H3C10: variants seen among roughly 807,000 people sequenced by gnomAD.
H3C10 encodes H3 clustered histone 10.
A neutral mutation model predicts 6.8 loss-of-function variants in H3C10; 8 were observed. That is an observed-to-expected ratio of 1.17 (90% confidence interval 0.69 to 2.12). H3C10 has a LOEUF of 2.12. Ranked by LOEUF, H3C10 falls within the 30% of genes most tolerant of loss-of-function variation. The pLI, the probability that H3C10 is intolerant of heterozygous loss-of-function variation, is 0.00. For synonymous variants in H3C10, 122 were observed against 81.3 expected (o/e 1.50, Z -2.69); for missense variants, 163 against 195.3 (o/e 0.83, Z 0.98).
Position 27,810,319 on chromosome 6 carries a change from C to T in H3C10, c.246C>T (p.Asp82=), listed in dbSNP as rs2021835. 71,151 of 1,614,184 alleles carry T rather than the reference C, an allele frequency of 0.044. 1,811 individuals are homozygous for T. The highest frequency in any genetic ancestry group is 0.076 in the African/African-American group (5,735 of 75,038). ...VREIAQDFKT[D]LRFQSSAVMA... is the part of the protein sequence containing the mutation. ...AGATCGCGCAGGACTTCAAGACCGA[C>T]TTGCGCTTCCAGAGCTCCGCGGTGA... The change falls in exon 1 of 1, where the codon GAC becomes GAT. Residue 82 remains aspartate (D), a synonymous_variant. Coordinates refer to ENST00000685041, the MANE Select transcript of H3C10 (RefSeq NM_003536.3).
chr6:27,810,089 C>CA lies in H3C10; in HGVS notation c.17dup (p.Thr7AspfsTer68). The CA allele has an allele frequency of 6.2e-7, 1 of 1,614,070 alleles. No homozygotes were observed. On this transcript the variant is annotated frameshift_variant, in exon 1 of 1. Transcript: ENST00000685041. LOFTEE classifies it high-confidence loss of function. ...CTCTGAAGGCATGGCGCGTACGAAG[C>CA]AGACTGCTCGCAAGTCCACCGGCGG... is the stretch of plus-strand genomic sequence containing the variant.
Position 27,810,333 on chromosome 6 carries a change from G to A in H3C10, c.260G>A (p.Ser87Asn). ...TTCAAGACCGACTTGCGCTTCCAGA[G>A]CTCCGCGGTGATGGCGCTGCAAGAG... ...QDFKTDLRFQ[S>N]SAVMALQEAC... The change falls in exon 1 of 1, where the codon AGC becomes AAC. Residue 87 changes from serine to asparagine, a missense_variant. Transcript: ENST00000685041. The A allele has an allele frequency of 6.2e-7, 1 of 1,614,240 alleles. No homozygotes were observed. Among genetic ancestry groups the A allele is most frequent in the Non-Finnish European group, 8.5e-7 (1 of 1,180,044 alleles).
chr6:27,810,105 C>T lies in H3C10; in HGVS notation c.32C>T (p.Ser11Phe). Residue 11 changes from serine (S) to phenylalanine (F), a missense_variant, in exon 1 of 1, where the codon TCC (serine) becomes TTC (phenylalanine). Ser to Phe is a radical substitution (Grantham distance 155). Transcript: ENST00000685041. ...CGTACGAAGCAGACTGCTCGCAAGT[C>T]CACCGGCGGCAAGGCTCCGCGCAAG... MARTKQTARK[S>F]TGGKAPRKQL... 1 of 1,614,098 alleles carries T rather than the reference C, an allele frequency of 6.2e-7. No homozygotes were observed. Among genetic ancestry groups the T allele is most frequent in the Non-Finnish European group, 8.5e-7 (1 of 1,179,986 alleles).
rs1760534808 is a variant in H3C10, at chr6:27,810,269, C to T, written c.196C>T (p.Leu66=). 1 of 1,614,232 alleles carries T rather than the reference C, an allele frequency of 6.2e-7. No homozygotes were observed. The highest frequency in any genetic ancestry group is 8.5e-7 in the Non-Finnish European group (1 of 1,180,036). The change falls in exon 1 of 1, where the codon CTG becomes TTG. Residue 66 remains leucine, a synonymous_variant. Transcript: ENST00000685041. ...GTCCACCGAGCTGCTGATCAGAAAG[C>T]TGCCTTTTCAGCGTCTGGTGCGTGA... ...QKSTELLIRK[L]PFQRLVREIA... is the part of the protein sequence containing the mutation.
chr6:27,810,534 C>G lies in H3C10; in HGVS notation c.*50C>G. ...ACCCAAAGGCTCTTTTCAGAGCCACCCACATGCGCGCTGAAAAGATCTGTT... is the reference window on the plus strand; with the variant it reads ...ACCCAAAGGCTCTTTTCAGAGCCACGCACATGCGCGCTGAAAAGATCTGTT... On this transcript the variant is annotated 3_prime_UTR_variant, in exon 1 of 1. Transcript: ENST00000685041. The G allele has an allele frequency of 6.5e-7, 1 of 1,543,852 alleles. No individual in the cohort carries two copies. The highest frequency in any genetic ancestry group is 8.8e-7 in the Non-Finnish European group (1 of 1,136,450).
rs1391083152 is a variant in H3C10, at chr6:27,810,498, A to G, written c.*14A>G. On this transcript the variant is annotated 3_prime_UTR_variant, in exon 1 of 1. Transcript: ENST00000685041. Reference sequence around the variant, plus strand: ...GAGAGGGCTTGAGTCTCAAGGACTCACTGATTACATACCCAAAGGCTCTTT... The same window carrying G: ...GAGAGGGCTTGAGTCTCAAGGACTCGCTGATTACATACCCAAAGGCTCTTT... The G allele has an allele frequency of 1.2e-6, 2 of 1,610,948 alleles. No homozygotes were observed. The highest frequency in any genetic ancestry group is 1.3e-5 in the African/African-American group (1 of 74,936).
At position 27,810,181 on chromosome 6, in the gene H3C10, C is replaced by A. The variant is rs757660879; in HGVS notation, c.108C>A (p.Val36=). 9 of 1,614,060 alleles carry A rather than the reference C, an allele frequency of 5.6e-6. No homozygotes were observed. The East Asian group carries it at 6.7e-5, about 12-fold the overall frequency. The change falls in exon 1 of 1, where the codon GTC becomes GTA. Residue 36 remains valine (V), a synonymous_variant. Coordinates refer to ENST00000685041, the MANE Select transcript of H3C10 (RefSeq NM_003536.3). ...AGAGCGCTCCGGCCACCGGCGGTGT[C>A]AAGAAGCCCCATCGCTATCGGCCTG... ...ARKSAPATGG[V]KKPHRYRPGT...
chr6:27,810,396 C>G lies in H3C10; in HGVS notation c.323C>G (p.Thr108Ser). ...EAYLVGLFED[T>S]NLCAIHAKRV... ...TACCTGGTGGGGCTCTTTGAGGACA[C>G]CAACCTGTGCGCCATCCACGCCAAG... Residue 108 changes from threonine (T) to serine (S), a missense_variant, in exon 1 of 1, where the codon ACC (threonine) becomes AGC (serine). Physicochemically the swap from Thr to Ser is moderately conservative, Grantham distance 58 (BLOSUM62 1). Transcript: ENST00000685041. 3 of 1,614,206 alleles carry G rather than the reference C, an allele frequency of 1.9e-6. No individual in the cohort carries two copies. Among genetic ancestry groups the G allele is most frequent in the African/African-American group, 2.7e-5 (2 of 75,050 alleles).
At position 27,810,296 on chromosome 6, in the gene H3C10, A is replaced by T. The variant is rs1233188088; in HGVS notation, c.223A>T (p.Ile75Phe). The T allele has an allele frequency of 1.2e-6, 2 of 1,614,200 alleles. No individual in the cohort carries two copies. The highest frequency in any genetic ancestry group is 3.3e-5 in the Admixed American group (2 of 60,030). The stretch of plus-strand genomic sequence containing the variant: ...GCCTTTTCAGCGTCTGGTGCGTGAG[A>T]TCGCGCAGGACTTCAAGACCGACTT... The part of the protein sequence containing the change: ...KLPFQRLVRE[I>F]AQDFKTDLRF... Residue 75 changes from isoleucine (I) to phenylalanine (F), a missense_variant, in exon 1 of 1, where the codon ATC (isoleucine) becomes TTC (phenylalanine). Transcript: ENST00000685041.
At position 27,810,167 on chromosome 6, in the gene H3C10, G is replaced by C. The variant is rs1279781729; in HGVS notation, c.94G>C (p.Ala32Pro). 1.2e-6 allele frequency: 2 copies of C among 1,614,140 alleles called. No homozygotes were observed. The highest frequency in any genetic ancestry group is 1.7e-6 in the Non-Finnish European group (2 of 1,180,022). Residue 32 changes from alanine (A) to proline (P), a missense_variant, in exon 1 of 1, where the codon GCC becomes CCC. Transcript: ENST00000685041. ...ATKAARKSAP[A>P]TGGVKKPHRY... ...CAAGGCGGCTCGGAAGAGCGCTCCG[G>C]CCACCGGCGGTGTCAAGAAGCCCCA...
chr6:27,810,481 T>C lies in H3C10; in HGVS notation c.408T>C (p.Ala136=), dbSNP rs753671767. The change falls in exon 1 of 1, where the codon GCT becomes GCC. Residue 136 remains alanine, a synonymous_variant. Coordinates refer to ENST00000685041, the MANE Select transcript of H3C10 (RefSeq NM_003536.3). ...CACGTCGTATCCGCGGCGAGAGGGC[T>C]TGAGTCTCAAGGACTCACTGATTAC... The part of the protein sequence containing the change: ...QLARRIRGER[A] 1.2e-6 allele frequency: 2 copies of C among 1,613,724 alleles called. No homozygotes were observed. Among genetic ancestry groups the C allele is most frequent in the Non-Finnish European group, 1.7e-6 (2 of 1,179,824 alleles).
Position 27,810,174 on chromosome 6 carries a change from G to A in H3C10, c.101G>A (p.Gly34Asp), listed in dbSNP as rs1760532629. 3 of 1,614,110 alleles carry A rather than the reference G, an allele frequency of 1.9e-6. No homozygotes were observed. The highest frequency in any genetic ancestry group is 2.5e-6 in the Non-Finnish European group (3 of 1,180,024). Residue 34 changes from glycine (G) to aspartate (D), a missense_variant, in exon 1 of 1, where the codon GGC becomes GAC. By Grantham distance (94) the Gly-to-Asp change is moderately conservative. Coordinates refer to ENST00000685041, the MANE Select transcript of H3C10 (RefSeq NM_003536.3). ...GCTCGGAAGAGCGCTCCGGCCACCG[G>A]CGGTGTCAAGAAGCCCCATCGCTAT... ...KAARKSAPAT[G>D]GVKKPHRYRP...
At position 27,810,316 on chromosome 6, in the gene H3C10, C is replaced by G; in HGVS notation, c.243C>G (p.Thr81=). The change falls in exon 1 of 1, where the codon ACC becomes ACG. Residue 81 remains threonine (T), a synonymous_variant. Coordinates refer to ENST00000685041, the MANE Select transcript of H3C10 (RefSeq NM_003536.3). ...GTGAGATCGCGCAGGACTTCAAGAC[C>G]GACTTGCGCTTCCAGAGCTCCGCGG... ...LVREIAQDFK[T]DLRFQSSAVM... 6.2e-7 allele frequency: 1 copy of G among 1,614,204 alleles called. No individual in the cohort carries two copies. The highest frequency in any genetic ancestry group is 8.5e-7 in the Non-Finnish European group (1 of 1,180,036).
At position 27,810,187 on chromosome 6, in the gene H3C10, G is replaced by A; in HGVS notation, c.114G>A (p.Lys38=). 1 of 1,614,158 alleles carries A rather than the reference G, an allele frequency of 6.2e-7. No homozygotes were observed. The highest frequency in any genetic ancestry group is 8.5e-7 in the Non-Finnish European group (1 of 1,180,024). ...KSAPATGGVK[K]PHRYRPGTVA... is the part of the protein sequence containing the mutation. ...CTCCGGCCACCGGCGGTGTCAAGAA[G>A]CCCCATCGCTATCGGCCTGGTACAG... The change falls in exon 1 of 1, where the codon AAG becomes AAA. Residue 38 remains lysine, a synonymous_variant. Transcript: ENST00000685041.
Position 27,810,473 on chromosome 6 carries a change from G to T in H3C10, c.400G>T (p.Glu134Ter). 6.2e-7 allele frequency: 1 copy of T among 1,613,894 alleles called. No homozygotes were observed. Among genetic ancestry groups the T allele is most frequent in the Non-Finnish European group, 8.5e-7 (1 of 1,179,858 alleles). The change falls in exon 1 of 1, where the codon GAG (glutamate) becomes TAG (stop). Residue 134 changes from glutamate (E) to a stop codon, truncating the protein, a stop_gained. Transcript: ENST00000685041. LOFTEE classifies it high-confidence loss of function. ...CCAGCTCGCACGTCGTATCCGCGGC[G>T]AGAGGGCTTGAGTCTCAAGGACTCA... is the stretch of plus-strand genomic sequence containing the variant. The part of the protein sequence containing the change: ...DIQLARRIRG[E>*]RA
chr6:27,810,070 A>G lies in H3C10; in HGVS notation c.-4A>G. 6.2e-7 allele frequency: 1 copy of G among 1,613,744 alleles called. No homozygotes were observed. Among genetic ancestry groups the G allele is most frequent in the Non-Finnish European group, 8.5e-7 (1 of 1,179,846 alleles). ...TCTCCTGAAGTGAATCTAGCTCTGA[A>G]GGCATGGCGCGTACGAAGCAGACTG... On this transcript the variant is annotated 5_prime_UTR_variant, in exon 1 of 1. Coordinates refer to ENST00000685041, the MANE Select transcript of H3C10 (RefSeq NM_003536.3).
exon 1 of H3C10, chr6:27,810,528 AGCCACCCACATGCGC>A: frequency 6.4e-7 from 1 of 1,571,986 alleles, no homozygotes; most frequent in Non-Finnish European, 8.7e-7. Context: ...CTCTTTTCAG[AGCCACCCACATGCGC>A]GCTGAAAAGA....
rs766560705 is a variant in H3C10 at position 27,810,072 on chromosome 6, G to A, written c.-2G>A. 1.2e-6 allele frequency: 2 copies of A among 1,613,884 alleles called. No homozygotes were observed. Among genetic ancestry groups the A allele is most frequent in the South Asian group, 2.2e-5 (2 of 91,050 alleles). On this transcript the variant is annotated 5_prime_UTR_variant, in exon 1 of 1. Coordinates refer to ENST00000685041, the MANE Select transcript of H3C10 (RefSeq NM_003536.3). ...TCCTGAAGTGAATCTAGCTCTGAAG[G>A]CATGGCGCGTACGAAGCAGACTGCT...
Position 27,810,115 on chromosome 6 carries a change from C to T in H3C10, c.42C>T (p.Gly14=). ...TKQTARKSTG[G]KAPRKQLATK... is the part of the protein sequence containing the mutation. ...AGACTGCTCGCAAGTCCACCGGCGG[C>T]AAGGCTCCGCGCAAGCAGCTGGCCA... The change falls in exon 1 of 1, where the codon GGC becomes GGT. Residue 14 remains glycine (G), a synonymous_variant. Transcript: ENST00000685041. 4 of 1,614,042 alleles carry T rather than the reference C, an allele frequency of 2.5e-6. No homozygotes were observed. Among genetic ancestry groups the T allele is most frequent in the East Asian group, 2.2e-5 (1 of 44,886 alleles).
Sources: allele counts gnomAD v4.1 joint callset, GRCh38; gene constraint gnomAD v4.1.1; transcripts MANE v1.5; gene names NCBI Gene and HGNC (gene_info 2026-07-23, HGNC 2026-07-21).